SETD6: variants seen among roughly 807,000 people sequenced by gnomAD.
The protein encoded by SETD6 is N-lysine methyltransferase SETD6.
SETD6 carries 67 observed loss-of-function variants against 52.7 expected under a neutral mutation model. That is an observed-to-expected ratio of 1.27 (90% confidence interval 1.04 to 1.56). SETD6 has a LOEUF of 1.56. Ranked by LOEUF, SETD6 falls within the 40% of genes most tolerant of loss-of-function variation. SETD6 has a pLI of 0.00. For synonymous variants in SETD6, 307 were observed against 250.2 expected, an observed-to-expected ratio of 1.23 and a Z score of -2.14; for missense variants, 712 against 607.5, an observed-to-expected ratio of 1.17 and a Z score of -1.81.
upstream of SETD6, chr16:58,515,513 C>G: frequency 5.1e-6 from 8 of 1,578,008 alleles, no homozygotes; most frequent in Non-Finnish European, 6.9e-6. Flanking sequence ...GTGCGCCGGC[C>G]CGCGAGGAAA....
rs190341367 is a variant in SETD6, at chr16:58,523,802, G to A, written c.*4773G>A. 1 of 239,244 alleles carries A rather than the reference G, an allele frequency of 4.2e-6. No individual in the cohort carries two copies. Among genetic ancestry groups the A allele is most frequent in the Non-Finnish European group, 8.2e-6 (1 of 122,176 alleles). The allele number at this position is 239,244 out of a possible 1,614,324, so 14.8% of individuals were successfully genotyped here. ...TCACTAAGTCTTTCTACATTTTGCAGATCTCTAAGTCTTGCTTAATAAAAG... is the reference window on the plus strand; with the variant it reads ...TCACTAAGTCTTTCTACATTTTGCAAATCTCTAAGTCTTGCTTAATAAAAG... On this transcript the variant is annotated 3_prime_UTR_variant, in exon 8 of 8. Coordinates refer to ENST00000219315, the MANE Select transcript of SETD6 (RefSeq NM_001160305.4).
At position 58,521,046 on chromosome 16, in the gene SETD6, G is replaced by A; in HGVS notation, c.*2017G>A. 6.2e-7 allele frequency: 1 copy of A among 1,614,110 alleles called. No individual in the cohort carries two copies. Among genetic ancestry groups the A allele is most frequent in the African/African-American group, 1.3e-5 (1 of 75,060 alleles). On this transcript the variant is annotated 3_prime_UTR_variant, in exon 8 of 8. Transcript: ENST00000219315. ...GACCGACTGGAATAACCTGAAGGATGAAGACAGTTACAAATCTCTGATTAA... is the reference window on the plus strand; with the variant it reads ...GACCGACTGGAATAACCTGAAGGATAAAGACAGTTACAAATCTCTGATTAA...
chr16:58,516,647 C>G lies in SETD6; in HGVS notation c.646C>G (p.Leu216Val), dbSNP rs143109128. Residue 216 changes from leucine (L) to valine (V), a missense_variant, in exon 4 of 8, where the codon CTG becomes GTG. Leu to Val is a conservative substitution (Grantham distance 32). Transcript: ENST00000219315. ...TCGCTCCCTAGAACTCTACCACCAGCTGGTGGCCCTTGTGATGGCCTATAG... is the reference window on the plus strand; with the variant it reads ...TCGCTCCCTAGAACTCTACCACCAGGTGGTGGCCCTTGTGATGGCCTATAG... ...RVRSLELYHQ[L>V]VALVMAYSFQ... The G allele has an allele frequency of 2.2e-5, 36 of 1,613,870 alleles. No individual in the cohort carries two copies. Among genetic ancestry groups the G allele is most frequent in the Non-Finnish European group, 3.4e-6 (4 of 1,179,924 alleles).
chr16:58,519,068 TTATTC>T lies in SETD6; in HGVS notation c.*42_*46del, dbSNP rs777214982. ...CCCTGAAGGAACAGCAATAAGAACT[TTATTC>T]TAAGCTAATACTCATTGATGTTTGA... On this transcript the variant is annotated 3_prime_UTR_variant, in exon 8 of 8. Transcript: ENST00000219315. 1.3e-6 allele frequency: 2 copies of T among 1,554,032 alleles called. No homozygotes were observed. The highest frequency in any genetic ancestry group is 1.7e-6 in the Non-Finnish European group (2 of 1,150,128).
In SETD6 at chr16:58,523,622, G is replaced by A; in HGVS notation, c.*4593G>A. 2 of 880,948 alleles carry A rather than the reference G, an allele frequency of 2.3e-6. No homozygotes were observed. The highest frequency in any genetic ancestry group is 2.2e-5 in the South Asian group (1 of 46,018). 54.6% of individuals were successfully genotyped at this position (880,948 alleles called of 1,614,324 possible). ...CTTTCAAATTAATCTTTGGTTTAAA[G>A]CAGTGGTTCTTGGGACCCCAAAGAG... On this transcript the variant is annotated 3_prime_UTR_variant, in exon 8 of 8. Transcript: ENST00000219315.
Sources: gnomAD v4.1 joint callset for allele counts on GRCh38, gnomAD v4.1.1 for gene constraint, MANE v1.5 for transcripts, NCBI Gene and HGNC (gene_info 2026-07-23, HGNC 2026-07-21) for gene names.